Variants in EP400 observed in about 807,000 individuals in gnomAD.
EP400 encodes E1A-binding protein p400.
EP400 carries 105 observed loss-of-function variants against 354.1 expected under a neutral mutation model. The ratio of observed to expected loss-of-function variants is 0.30; its 90% confidence interval spans 0.25 to 0.35. The LOEUF (loss-of-function observed/expected upper bound fraction) is 0.35, where lower values mean the gene tolerates loss of function less well. Among genes scored for constraint, EP400 ranks in the 10% least tolerant of loss-of-function variants. EP400 has a pLI of 1.00. For synonymous variants in EP400, 1,646 were observed against 1,716.9 expected (o/e 0.96, Z 1.02); for missense variants, 3,280 against 4,121.0 (o/e 0.80, Z 5.59).
chr12:132,073,925 T>G (rs867076614), intron 51 of EP400, among the ~76,000 whole-genome samples: 4 of 126,078 alleles, frequency 3.2e-5, no homozygotes, highest in African/African-American at 9.6e-5. Context: ...TGGGGTTTTT[T>G]TTTTTTTTTT....
chr12:132,069,610 C>G lies in EP400; in HGVS notation c.8990C>G (p.Ala2997Gly), dbSNP rs1565936358. 3 of 1,614,110 alleles carry G rather than the reference C, an allele frequency of 1.9e-6. No individual in the cohort carries two copies. The highest frequency in any genetic ancestry group is 2.5e-6 in the Non-Finnish European group (3 of 1,180,024). ...CCCATCTCCCAGGCCCAGAAACTGG[C>G]CGGGGCCCAGCAAGTGCAGACCCAG... Reference protein sequence around the residue: ...TTPISQAQKLAGAQQVQTQIQ... With the variant: ...TTPISQAQKLGGAQQVQTQIQ... Residue 2997 changes from alanine (A) to glycine (G), a missense_variant, in exon 51 of 53, where the codon GCC becomes GGC. Coordinates refer to ENST00000389561, the MANE Select transcript of EP400 (RefSeq NM_015409.5).
At position 132,025,030 on chromosome 12, in the gene EP400, C is replaced by T. The variant is rs556422933; in HGVS notation, c.4856-616C>T. ...CAGAACAAGGCCTGCCACAGAGAAACGATTCAGTCTGGTTTACTTCCTTTT... is the reference window on the plus strand; with the variant it reads ...CAGAACAAGGCCTGCCACAGAGAAATGATTCAGTCTGGTTTACTTCCTTTT... On this transcript the variant is annotated intron_variant, in intron 24 of 52. Transcript: ENST00000389561. The surrounding 1 kb of genome is among the most constrained non-coding windows in gnomAD (Gnocchi z 4.1). Among the ~76,000 whole-genome samples, 13 of 152,018 alleles carry T rather than the reference C, an allele frequency of 8.6e-5. No individual in the cohort carries two copies. Among genetic ancestry groups the T allele is most frequent in the East Asian group, 7.7e-4 (4 of 5,172 alleles).
At chr12:131,991,149 A>C (rs1893019589) in intron 9 of EP400, among the ~76,000 whole-genome samples, 1 of 151,968 alleles carries the variant, frequency 6.6e-6, no homozygotes, top group Admixed American at 6.6e-5. Context: ...CTCTGAGGAC[A>C]CCCCCAGGAG....
At chr12:132,072,992 C>T (rs1896108181) in intron 51 of EP400, among the ~76,000 whole-genome samples, 1 of 152,168 alleles carries the variant, frequency 6.6e-6, no homozygotes, top group South Asian at 2.1e-4. Flanking sequence ...TCCTTGTTTT[C>T]AGCCATTCTC....
At chr12:132,033,437 G>A (rs914416647) in intron 30 of EP400, among the ~76,000 whole-genome samples, 7 of 152,070 alleles carry the variant, frequency 4.6e-5, no homozygotes, top group Admixed American at 2.0e-4. Context: ...ATGGTGACCC[G>A]TCAGTTCCCA....
intron 13 of EP400, among the ~76,000 whole-genome samples, chr12:132,005,608 A>G (rs1893553136): frequency 6.6e-6 from 1 of 152,140 alleles, no homozygotes; most frequent in Non-Finnish European, 1.5e-5. Context: ...GGACAGTTAG[A>G]CACCTGCATG....
Position 131,961,197 on chromosome 12 carries a change from A to G in EP400, c.578A>G (p.Gln193Arg). 2.6e-6 allele frequency: 4 copies of G among 1,532,480 alleles called. No individual in the cohort carries two copies. The highest frequency in any genetic ancestry group is 2.4e-5 in the South Asian group (2 of 83,964). 94.9% of individuals were successfully genotyped at this position (1,532,480 alleles called of 1,614,324 possible). ...TCCAGTGGTGGACACTTTGTGTTTC[A>G]GGATGGGTCAGGGCTCACCCAGATC... Reference protein sequence around the residue: ...SPSSGGHFVFQDGSGLTQIAQ... With the variant: ...SPSSGGHFVFRDGSGLTQIAQ... The change falls in exon 2 of 53, where the codon CAG (glutamine) becomes CGG (arginine). Residue 193 changes from glutamine to arginine, a missense_variant. Coordinates refer to ENST00000389561, the MANE Select transcript of EP400 (RefSeq NM_015409.5).
Position 132,045,376 on chromosome 12 carries a change from T to A in EP400, c.6842T>A (p.Leu2281Gln). The A allele has an allele frequency of 6.2e-7, 1 of 1,614,224 alleles. No homozygotes were observed. The highest frequency in any genetic ancestry group is 8.5e-7 in the Non-Finnish European group (1 of 1,180,038). ...HGEAVVPPRS[L>Q]FDRATPGLLK... ...GAGGCGGTCGTCCCTCCTCGGTCCC[T>A]GTTTGACCGCGCAACACCAGGACTT... Residue 2281 changes from leucine to glutamine, a missense_variant, in exon 38 of 53, where the codon CTG becomes CAG. Leu to Gln is a moderately radical substitution (Grantham distance 113). This residue lies in a region of EP400 where 231 missense variants were observed against 257.9 expected (regional missense o/e 0.90). Transcript: ENST00000389561.
intron 45 of EP400, among the ~76,000 whole-genome samples, chr12:132,057,870 T>C (rs1310142966): frequency 6.6e-6 from 1 of 152,230 alleles, no homozygotes; most frequent in African/African-American, 2.4e-5. Flanking sequence ...TGTGGTATTT[T>C]AAAATGTAAA....
rs985837092 is a variant in EP400, at chr12:132,029,306, C to T, written c.5382-395C>T. 1.9e-5 allele frequency: 4 copies of T among 211,552 alleles called. No homozygotes were observed. Among genetic ancestry groups the T allele is most frequent in the African/African-American group, 9.2e-5 (4 of 43,602 alleles). The allele number at this position is 211,552 out of a possible 1,614,324, so 13.1% of individuals were successfully genotyped here. On this transcript the variant is annotated intron_variant, in intron 27 of 52. Coordinates refer to ENST00000389561, the MANE Select transcript of EP400 (RefSeq NM_015409.5). The surrounding 1 kb of genome is among the most constrained non-coding windows in gnomAD (Gnocchi z 4.7). ...GAAGGCTCCTTCACCCTGAGTCTGGCCCCCGTCCTGGTGGCACAGTGGCTA... is the reference window on the plus strand; with the variant it reads ...GAAGGCTCCTTCACCCTGAGTCTGGTCCCCGTCCTGGTGGCACAGTGGCTA...
At chr12:131,964,205 G>A (rs1891998503) in intron 2 of EP400, among the ~76,000 whole-genome samples, 1 of 152,098 alleles carries the variant, frequency 6.6e-6, no homozygotes, top group South Asian at 2.1e-4. Context: ...GGTCACTCAC[G>A]CCTGTAATCC....
At chr12:132,044,649 G>T in intron 35 of EP400, 22 bp from the exon 36 acceptor site, 1 of 1,614,128 alleles carries the variant, frequency 6.2e-7, no homozygotes, top group Non-Finnish European at 8.5e-7. Context: ...GTGGAAGTCA[G>T]AGCTTGCCGT....
chr12:132,038,309 C>T lies in EP400; in HGVS notation c.6207+213C>T, dbSNP rs755369970. ...GTGAGGGGAATGGTGGCGAAGGTCGCGGACCACAGGCCTGTCACCGAAGCA... is the reference window on the plus strand; with the variant it reads ...GTGAGGGGAATGGTGGCGAAGGTCGTGGACCACAGGCCTGTCACCGAAGCA... On this transcript the variant is annotated intron_variant, in intron 32 of 52. Transcript: ENST00000389561. The surrounding 1 kb of genome is among the most constrained non-coding windows in gnomAD (Gnocchi z 4.2). Among the ~76,000 whole-genome samples the T allele has an allele frequency of 3.9e-5, 6 of 152,210 alleles. No individual in the cohort carries two copies. The highest frequency in any genetic ancestry group is 3.3e-4 in the Admixed American group (5 of 15,286).
Position 132,050,785 on chromosome 12 carries a change from G to T in EP400, c.7394+130G>T, listed in dbSNP as rs921414588. ...AGGCATCAGCTGGACGTGGCAGTGC[G>T]CAGAACCTGCAGGAGAGAGGTGCTT... is the stretch of plus-strand genomic sequence containing the variant. On this transcript the variant is annotated intron_variant, in intron 41 of 52. Transcript: ENST00000389561. This position sits in a 1 kb window ranked among gnomAD's most constrained non-coding sequence, Gnocchi z 4.8. 3 of 1,098,190 alleles carry T rather than the reference G, an allele frequency of 2.7e-6. No individual in the cohort carries two copies. Among genetic ancestry groups the T allele is most frequent in the South Asian group, 1.3e-5 (1 of 74,986 alleles). 68.0% of individuals were successfully genotyped at this position (1,098,190 alleles called of 1,614,324 possible). A position where few individuals can be genotyped will look rare whatever the true frequency, so the allele number is the denominator to read the frequency against.
At chr12:132,031,521 C>G (rs1408334773) in intron 29 of EP400, among the ~76,000 whole-genome samples, 1 of 152,114 alleles carries the variant, frequency 6.6e-6, no homozygotes, top group African/African-American at 2.4e-5. Context: ...TAACATGAGC[C>G]TCGTGTTGAA....
chr12:132,051,815 A>G (rs1173814315), intron 41 of EP400, among the ~76,000 whole-genome samples: 1 of 151,742 alleles, frequency 6.6e-6, no homozygotes, highest in Non-Finnish European at 1.5e-5. Context: ...TCCCCTGGGG[A>G]AAGGGAGACT....
intron 12 of EP400, among the ~76,000 whole-genome samples, chr12:132,001,178 C>A (rs1247930306): frequency 6.6e-6 from 1 of 152,162 alleles, no homozygotes; most frequent in African/African-American, 2.4e-5. Flanking sequence ...CCACTCCCAC[C>A]AAGACGCGGA....
intron 39 of EP400, among the ~76,000 whole-genome samples, chr12:132,048,615 C>T (rs1304460556): frequency 6.0e-5 from 9 of 151,052 alleles, no homozygotes; most frequent in African/African-American, 2.2e-4. Flanking sequence ...CTCTGCCTCT[C>T]AGGTTCAAGT....
chr12:132,021,248 C>A lies in EP400; in HGVS notation c.4617C>A (p.Pro1539=), dbSNP rs758555155. 6.5e-6 allele frequency: 10 copies of A among 1,548,622 alleles called. No individual in the cohort carries two copies. Among genetic ancestry groups the A allele is most frequent in the Non-Finnish European group, 8.7e-6 (10 of 1,153,598 alleles). The part of the protein sequence containing the change: ...PGQPPPQPQA[P]SHAAGQSALP... ...AGCCCCCGCCCCAGCCCCAGGCCCC[C>A]TCGCACGCGGCCGGGCAGAGCGCGC... The change falls in exon 23 of 53, where the codon CCC becomes CCA. Residue 1539 remains proline, a synonymous_variant. Transcript: ENST00000389561.
Sources: gnomAD v4.1 joint callset for allele counts (sites outside exome capture counted in the v4.1 genomes callset) on GRCh38, gnomAD v4.1.1 for gene constraint, gnomAD v4.1.1 regional missense constraint, Gnocchi (gnomAD v3.1) non-coding constraint, MANE v1.5 for transcripts, NCBI Gene and HGNC (gene_info 2026-07-23, HGNC 2026-07-21) for gene names.